The following WIPI1 variants were observed in gnomAD, a reference collection of about 807,000 sequenced individuals.
WIPI1 encodes the protein WD repeat domain phosphoinositide-interacting protein 1.
Under a neutral mutation model 55.3 loss-of-function variants are expected in WIPI1, and 45 were observed. The ratio of observed to expected loss-of-function variants is 0.81; its 90% CI spans 0.64 to 1.04. The LOEUF is 1.04. WIPI1 is among the 50% of genes least tolerant of loss of function. The pLI, the probability that WIPI1 is intolerant of heterozygous loss-of-function variation, is 0.00. For synonymous variants in WIPI1, 195 were observed against 217.6 expected (o/e 0.90, Z 0.92); for missense variants, 445 against 559.0 (o/e 0.80, Z 2.06).
At chr17:68,427,350 C>G in intron 10 of WIPI1, 97 bp from the exon 11 acceptor site, 1 of 899,998 alleles carries the variant, frequency 1.1e-6, no homozygotes, top group Non-Finnish European at 1.8e-6. Context: ...CTGTGCTCAG[C>G]TCTGTGGGTT....
chr17:68,440,423 T>C (rs1403315259), intron 4 of WIPI1, among the ~76,000 whole-genome samples: 1 of 152,222 alleles, frequency 6.6e-6, no homozygotes, highest in Non-Finnish European at 1.5e-5. Context: ...TAAGGAAGGA[T>C]ATGGGCTTTA....
intron 3 of WIPI1, among the ~76,000 whole-genome samples, chr17:68,445,696 C>T (rs750509581): frequency 6.6e-5 from 10 of 152,142 alleles, no homozygotes; most frequent in Non-Finnish European, 1.0e-4. Context: ...GTTGATGTAT[C>T]GGGTGTTTAA....
intron 11 of WIPI1, 79 bp from the exon 12 acceptor site, chr17:68,426,254 G>GGGGCCCCCCC: frequency 1.2e-6 from 1 of 816,902 alleles, no homozygotes; most frequent in East Asian, 3.5e-5. Flanking sequence ...GGGAGCGGGG[G>GGGGCCCCCCC]CTCAAATAAA....
chr17:68,451,360 G>A (rs541701239), intron 2 of WIPI1, among the ~76,000 whole-genome samples: 1 of 152,310 alleles, frequency 6.6e-6, no homozygotes, highest in East Asian at 1.9e-4. Flanking sequence ...CCTGAACCCA[G>A]GAGGAAGAGA....
Position 68,436,381 on chromosome 17 carries a change from C to T in WIPI1, c.528+1G>A. ...GCTCAGCCAGGTCACCGTCAACTTACCAGGGAGTTTCCATCATAAAGCACA... is the reference window on the plus strand; with the variant it reads ...GCTCAGCCAGGTCACCGTCAACTTATCAGGGAGTTTCCATCATAAAGCACA... On this transcript the variant is annotated splice_donor_variant, in intron 5 of 12. Transcript: ENST00000262139. LOFTEE classifies it high-confidence loss of function. The T allele has an allele frequency of 6.8e-6, 11 of 1,613,642 alleles. No individual in the cohort carries two copies. The highest frequency in any genetic ancestry group is 1.3e-5 in the African/African-American group (1 of 75,010).
Position 68,433,484 on chromosome 17 carries a change from C to G in WIPI1, c.784G>C (p.Glu262Gln). The change falls in exon 8 of 13, where the codon GAA (glutamate) becomes CAA (glutamine). Residue 262 changes from glutamate to glutamine, a missense_variant. Transcript: ENST00000262139. Reference sequence around the variant, plus strand: ...AGTACTTGCCTGTTGGTGACCTGTTCCAGCTTGAAGATGTGTACCGTCTCG... The same window carrying G: ...AGTACTTGCCTGTTGGTGACCTGTTGCAGCTTGAAGATGTGTACCGTCTCG... Reference protein sequence around the residue: ...NTETVHIFKLEQVTNSRPEEP... With the variant: ...NTETVHIFKLQQVTNSRPEEP... 6.2e-7 allele frequency: 1 copy of G among 1,613,850 alleles called. No homozygotes were observed. Among genetic ancestry groups the G allele is most frequent in the South Asian group, 1.1e-5 (1 of 91,064 alleles).
intron 9 of WIPI1, among the ~76,000 whole-genome samples, chr17:68,429,180 G>A (rs920115088): frequency 2.0e-5 from 3 of 151,558 alleles, no homozygotes; most frequent in East Asian, 2.0e-4. Context: ...TAGATGCTGC[G>A]ACCCTGCGAG....
intron 12 of WIPI1, among the ~76,000 whole-genome samples, chr17:68,425,540 T>C (rs763911334): frequency 4.6e-5 from 7 of 151,950 alleles, no homozygotes; most frequent in Non-Finnish European, 1.0e-4. Context: ...TTAATGAGTG[T>C]CTGCAACTGC....
rs1222825166 is a variant in WIPI1 at position 68,421,741 on chromosome 17, G to A, written c.*32C>T. The A allele has an allele frequency of 2.6e-5, 42 of 1,613,930 alleles. No individual in the cohort carries two copies. Among genetic ancestry groups the A allele is most frequent in the Non-Finnish European group, 3.5e-5 (41 of 1,179,980 alleles). On this transcript the variant is annotated 3_prime_UTR_variant, in exon 13 of 13. Coordinates refer to ENST00000262139, the MANE Select transcript of WIPI1 (RefSeq NM_017983.7). ...TTTTCTCCAAAACCACCTGATAGGG[G>A]GGATGTCCTGATTTCTGAGGTGTGC...
At chr17:68,431,768 A>G (rs6501469) in intron 8 of WIPI1, among the ~76,000 whole-genome samples, 441 of 9,212 alleles carry the variant, frequency 0.048, 5 homozygotes, top group South Asian at 0.054. Context: ...ACACCCGTGG[A>G]CAGGTTGAGC....
rs140704722 is a variant in WIPI1, at chr17:68,448,574, A to C, written c.333+2154T>G. The C allele has an allele frequency of 5.3e-5, 8 of 152,278 alleles. No homozygotes were observed. The East Asian group carries it at 1.5e-3, about 29-fold the overall frequency. 9.4% of individuals were successfully genotyped at this position (152,278 alleles called of 1,614,324 possible). A position where few individuals can be genotyped will look rare whatever the true frequency, so the allele number is the denominator to read the frequency against. On this transcript the variant is annotated intron_variant, in intron 3 of 12. Coordinates refer to ENST00000262139, the MANE Select transcript of WIPI1 (RefSeq NM_017983.7). Reference sequence around the variant, plus strand: ...AAAGGTTAACAGACTCGGACACTCAAATAGGCCTTCCTTGTCCCATTTGCT... The same window carrying C: ...AAAGGTTAACAGACTCGGACACTCACATAGGCCTTCCTTGTCCCATTTGCT...
Position 68,426,247 on chromosome 17 carries a change from A to AGGG in WIPI1, c.1193-73_1193-72insCCC. On this transcript the variant is annotated intron_variant, in intron 11 of 12. Coordinates refer to ENST00000262139, the MANE Select transcript of WIPI1 (RefSeq NM_017983.7). ...TTATGCCATGACCTGGCGGGTGGGG[A>AGGG]GCGGGGGCTCAAATAAAGGGCAAAG... 7 of 655,810 alleles carry AGGG rather than the reference A, an allele frequency of 1.1e-5. 2 individuals are homozygous for AGGG. Among genetic ancestry groups the AGGG allele is most frequent in the South Asian group, 1.7e-5 (1 of 57,170 alleles). 40.6% of individuals were successfully genotyped at this position (655,810 alleles called of 1,614,324 possible). A position where few individuals can be genotyped will look rare whatever the true frequency, so the allele number is the denominator to read the frequency against.
intron 7 of WIPI1, among the ~76,000 whole-genome samples, chr17:68,433,813 C>T (rs962618319): frequency 1.7e-5 from 2 of 116,160 alleles, no homozygotes; most frequent in Non-Finnish European, 3.2e-5. Context: ...CAGAGTCTCT[C>T]GCTCTGTTGC....
intron 11 of WIPI1, 79 bp from the exon 12 acceptor site, chr17:68,426,254 G>GGGGGGGGGGGGGGGC: frequency 2.4e-6 from 2 of 816,924 alleles, no homozygotes; most frequent in Non-Finnish European, 3.9e-6. Context: ...GGGAGCGGGG[G>GGGGGGGGGGGGGGGC]CTCAAATAAA....
intron 8 of WIPI1, among the ~76,000 whole-genome samples, chr17:68,433,143 A>G (rs2083601634): frequency 6.6e-6 from 1 of 152,274 alleles, no homozygotes; most frequent in Admixed American, 6.5e-5. Flanking sequence ...AACACTTTAG[A>G]TCTGCAGACT....
At chr17:68,442,464 CAA>C (rs1182675630) in intron 4 of WIPI1, among the ~76,000 whole-genome samples, 33 of 62,754 alleles carry the variant, frequency 5.3e-4, no homozygotes, top group Middle Eastern at 8.5e-3. Flanking sequence ...GACTGTGTCT[CAA>C]AAAAAAAAAA....
At chr17:68,437,005 A>AAATATATATATAT (rs10629905) in intron 4 of WIPI1, among the ~76,000 whole-genome samples, 6 of 107,192 alleles carry the variant, frequency 5.6e-5, no homozygotes, top group African/African-American at 1.8e-4. Context: ...AAAAAAAAAA[A>AAATATATATATAT]ATATATATAT....
At chr17:68,453,040 A>G in intron 1 of WIPI1, 48 bp from the exon 2 acceptor site, 2 of 1,509,042 alleles carry the variant, frequency 1.3e-6, no homozygotes, top group Non-Finnish European at 1.8e-6. Flanking sequence ...TATTCTAACA[A>G]CAGATCTGTC....
Position 68,435,837 on chromosome 17 carries a change from C to T in WIPI1, c.529-125G>A, listed in dbSNP as rs1360052568. 24 of 849,144 alleles carry T rather than the reference C, an allele frequency of 2.8e-5. No individual in the cohort carries two copies. In the Admixed American group the frequency reaches 5.1e-4, roughly 18 times the overall value. The allele number at this position is 849,144 out of a possible 1,614,324, so 52.6% of individuals were successfully genotyped here. On this transcript the variant is annotated intron_variant, in intron 5 of 12. Transcript: ENST00000262139. ...CCAGCTCCCTGTCTCTTCCTCTGTC[C>T]CCCAGGCCATCTGCATGTAAGCTGT...
Sources: gnomAD v4.1 joint callset for allele counts (sites outside exome capture counted in the v4.1 genomes callset) on GRCh38, gnomAD v4.1.1 for gene constraint, MANE v1.5 for transcripts, NCBI Gene and HGNC (gene_info 2026-07-23, HGNC 2026-07-21) for gene names.